SGCZ: variants seen among roughly 807,000 people sequenced by gnomAD.
SGCZ encodes the protein sarcoglycan zeta.
Under a neutral mutation model 41.3 loss-of-function variants are expected in SGCZ, and 40 were observed. That is an observed-to-expected ratio of 0.97 (90% CI 0.75 to 1.26). The LOEUF (loss-of-function observed/expected upper bound fraction) is 1.26. Among genes scored for constraint, SGCZ ranks in the 50% most tolerant of loss-of-function variants. The pLI, the probability that SGCZ is intolerant of heterozygous loss-of-function variation, is 0.00. For missense variants in SGCZ, 552 were observed against 369.8 expected (o/e 1.49, Z -4.04); for synonymous variants, 206 against 137.5 (o/e 1.50, Z -3.49).
At chr8:14,660,322 A>G (rs897269463) in intron 1 of SGCZ, among the ~76,000 whole-genome samples, 1 of 151,986 alleles carries the variant, frequency 6.6e-6, no homozygotes, top group Non-Finnish European at 1.5e-5. Flanking sequence ...CCATAATCCT[A>G]GCACTTTGGG....
At chr8:14,191,891 T>G (rs1240330038) in intron 4 of SGCZ, among the ~76,000 whole-genome samples, 1 of 152,080 alleles carries the variant, frequency 6.6e-6, no homozygotes, top group African/African-American at 2.4e-5. Flanking sequence ...CTCAACCTAG[T>G]CATAATACTG....
chr8:15,081,959 C>T (rs1805766621), intron 1 of SGCZ, among the ~76,000 whole-genome samples: 1 of 152,088 alleles, frequency 6.6e-6, no homozygotes, highest in East Asian at 1.9e-4. Flanking sequence ...CTGTACAGTT[C>T]TTTAGATTTG....
chr8:14,224,242 T>G (rs1380984665), intron 4 of SGCZ, among the ~76,000 whole-genome samples: 1 of 152,174 alleles, frequency 6.6e-6, no homozygotes, highest in Non-Finnish European at 1.5e-5. Context: ...CAATTAATCA[T>G]TACACTAGTA....
intron 1 of SGCZ, among the ~76,000 whole-genome samples, chr8:14,942,407 A>T (rs1431473418): frequency 6.6e-6 from 1 of 152,146 alleles, no homozygotes; most frequent in East Asian, 1.9e-4. Context: ...GCAGTTAGCA[A>T]TTAATTCCTG....
chr8:14,871,506 C>A (rs142584561), intron 1 of SGCZ, among the ~76,000 whole-genome samples: 319 of 151,894 alleles, frequency 2.1e-3, no homozygotes, highest in African/African-American at 7.0e-3. Flanking sequence ...CAATGATAGA[C>A]TGAATAAAGA....
At chr8:14,766,266 G>T (rs1401479785) in intron 1 of SGCZ, among the ~76,000 whole-genome samples, 1 of 151,800 alleles carries the variant, frequency 6.6e-6, no homozygotes, top group Non-Finnish European at 1.5e-5. Context: ...AGCCAGATAG[G>T]CATATTTTTA....
At chr8:14,550,442 A>G (rs1325781723) in intron 2 of SGCZ, among the ~76,000 whole-genome samples, 1 of 151,720 alleles carries the variant, frequency 6.6e-6, no homozygotes, top group Non-Finnish European at 1.5e-5. Context: ...GGTTATCTAC[A>G]TGGAGTTACA....
chr8:14,405,666 G>A (rs998721701), intron 2 of SGCZ, among the ~76,000 whole-genome samples: 6 of 152,072 alleles, frequency 3.9e-5, no homozygotes, highest in Admixed American at 6.6e-5. Flanking sequence ...GAGATTCTGT[G>A]TTTTGTGACC....
rs1423636470 is a variant in SGCZ, at chr8:14,828,985, C to T, written c.40-274059G>A. Reference sequence around the variant, plus strand: ...TTTGTTTGTTTTCTAATCTTAAAAACGAATCTAGAAAGGACACCTAAATTT... The same window carrying T: ...TTTGTTTGTTTTCTAATCTTAAAAATGAATCTAGAAAGGACACCTAAATTT... On this transcript the variant is annotated intron_variant, in intron 1 of 7. Transcript: ENST00000382080. 3.3e-5 allele frequency among the ~76,000 whole-genome samples: 5 copies of T among 151,862 alleles called. No homozygotes were observed. The South Asian group carries it at 6.3e-4, about 19-fold the overall frequency.
chr8:14,648,119 C>T (rs966273810), intron 1 of SGCZ, among the ~76,000 whole-genome samples: 2 of 152,088 alleles, frequency 1.3e-5, no homozygotes, highest in East Asian at 3.9e-4. Context: ...AGAGCACCAC[C>T]TCCTTAAAAG....
intron 2 of SGCZ, among the ~76,000 whole-genome samples, chr8:14,403,744 G>T (rs1321769925): frequency 2.0e-5 from 3 of 151,910 alleles, no homozygotes; most frequent in Non-Finnish European, 4.4e-5. Flanking sequence ...TTCTTCCATA[G>T]GTCTGTGCCT....
intron 2 of SGCZ, 32 bp downstream of exon 2, chr8:14,554,700 G>A (rs976206705): frequency 7.7e-6 from 12 of 1,561,982 alleles, no homozygotes; most frequent in African/African-American, 1.4e-5. Flanking sequence ...TGAACCAAGA[G>A]CAATAAGATG....
At chr8:14,393,464 T>C (rs1275609528) in intron 2 of SGCZ, among the ~76,000 whole-genome samples, 1 of 152,116 alleles carries the variant, frequency 6.6e-6, no homozygotes, top group African/African-American at 2.4e-5. Flanking sequence ...ATTTACATAA[T>C]AAGATTACGG....
intron 2 of SGCZ, chr8:14,332,408 T>A (rs1802364269): frequency 6.6e-6 from 1 of 152,002 alleles, no homozygotes; most frequent in Non-Finnish European, 1.5e-5. Context: ...GCCACTGCAC[T>A]CCAGCCTGGG....
intron 2 of SGCZ, among the ~76,000 whole-genome samples, chr8:14,441,314 C>T (rs751932866): frequency 3.3e-5 from 5 of 152,184 alleles, no homozygotes; most frequent in African/African-American, 4.8e-5. Flanking sequence ...CAGTGGCTCA[C>T]GCCCGTAATC....
chr8:14,271,037 G>T (rs368315743), intron 3 of SGCZ, among the ~76,000 whole-genome samples: 1 of 152,106 alleles, frequency 6.6e-6, no homozygotes. Context: ...TCACACCCTG[G>T]GGCCTGTTGT....
intron 1 of SGCZ, among the ~76,000 whole-genome samples, chr8:14,673,515 T>C (rs1270610446): frequency 6.6e-6 from 1 of 152,078 alleles, no homozygotes; most frequent in African/African-American, 2.4e-5. Flanking sequence ...TGCTTCCCCT[T>C]TGCCTTCGCC....
chr8:14,355,462 T>C (rs1803258908), intron 2 of SGCZ, among the ~76,000 whole-genome samples: 1 of 152,114 alleles, frequency 6.6e-6, no homozygotes, highest in Admixed American at 6.6e-5. Flanking sequence ...TTATATGAGC[T>C]ACATGAAGAC....
At chr8:14,683,540 T>C (rs1383361310) in intron 1 of SGCZ, among the ~76,000 whole-genome samples, 1 of 152,154 alleles carries the variant, frequency 6.6e-6, no homozygotes, top group Non-Finnish European at 1.5e-5. Flanking sequence ...CTTCCCAAAT[T>C]CATCAAGTAA....
Sources: gnomAD v4.1 joint callset for allele counts (sites outside exome capture counted in the v4.1 genomes callset) on GRCh38, gnomAD v4.1.1 for gene constraint, MANE v1.5 for transcripts, NCBI Gene and HGNC (gene_info 2026-07-23, HGNC 2026-07-21) for gene names.